Variants in HIPK3 observed in about 807,000 individuals in gnomAD.
HIPK3 encodes homeodomain-interacting protein kinase 3.
In HIPK3, 47 loss-of-function variants were observed where a neutral mutation model predicts 124.2. That is an observed-to-expected ratio of 0.38 (90% CI 0.30 to 0.48). The LOEUF (loss-of-function observed/expected upper bound fraction) is 0.48. HIPK3 is among the 20% of genes least tolerant of loss of function. The pLI, the probability that HIPK3 is intolerant of heterozygous loss-of-function variation, is 0.98. For synonymous variants in HIPK3, 482 were observed against 515.2 expected (o/e 0.94, Z 0.87); for missense variants, 1,286 against 1,454.3 (o/e 0.88, Z 1.88).
chr11:33,320,174 GC>G (rs985022157), intron 2 of HIPK3, among the ~76,000 whole-genome samples: 2 of 152,246 alleles, frequency 1.3e-5, no homozygotes, highest in African/African-American at 4.8e-5. Context: ...GCTAAGGGCT[GC>G]CCCTTGTAGG....
rs533099783 is a variant in HIPK3 at position 33,286,448 on chromosome 11, G to A, written c.34G>A (p.Val12Ile). 3.3e-6 allele frequency: 5 copies of A among 1,503,136 alleles called. No individual in the cohort carries two copies. The highest frequency in any genetic ancestry group is 1.9e-5 in the Admixed American group (1 of 51,520). 93.1% of individuals were successfully genotyped at this position (1,503,136 alleles called of 1,614,324 possible). Residue 12 changes from valine to isoleucine, a missense_variant, in exon 2 of 17, where the codon GTT becomes ATT. By Grantham distance (29) the Val-to-Ile change is conservative. Around this residue, in one of 3 missense-constraint regions of HIPK3, gnomAD observed 225 missense variants for 240.3 expected, o/e 0.94. Transcript: ENST00000303296. ...ACAAGTCTTGGTCTACCCACCATAT[G>A]TTTATCAAACTCAGTCAAGTGCCTT... is the stretch of plus-strand genomic sequence containing the variant. ...ASQVLVYPPY[V>I]YQTQSSAFCS...
chr11:33,342,716 T>A (rs139628618), intron 8 of HIPK3, among the ~76,000 whole-genome samples: 6 of 152,090 alleles, frequency 3.9e-5, no homozygotes, highest in African/African-American at 1.4e-4. Context: ...CCACCACGCC[T>A]GGCTAATTTT....
At chr11:33,276,269 T>G (rs537389891) in intron 1 of HIPK3, among the ~76,000 whole-genome samples, 2 of 152,338 alleles carry the variant, frequency 1.3e-5, no homozygotes, top group South Asian at 4.1e-4. Context: ...AGTTGTTGTA[T>G]CTCTTTAGTT....
chr11:33,290,908 A>G (rs1008692510), intron 2 of HIPK3, among the ~76,000 whole-genome samples: 1 of 152,214 alleles, frequency 6.6e-6, no homozygotes, highest in Non-Finnish European at 1.5e-5. Flanking sequence ...TACAATTGCT[A>G]TGCTAAATTA....
chr11:33,279,110 T>A (rs1380012171), intron 1 of HIPK3, among the ~76,000 whole-genome samples: 3 of 152,058 alleles, frequency 2.0e-5, no homozygotes, highest in Non-Finnish European at 4.4e-5. Context: ...GGCTAGGAAT[T>A]TGAGACCAAC....
At chr11:33,284,692 A>G (rs1025020134) in intron 1 of HIPK3, among the ~76,000 whole-genome samples, 1 of 152,166 alleles carries the variant, frequency 6.6e-6, no homozygotes, top group African/African-American at 2.4e-5. Flanking sequence ...AAGAGAACAT[A>G]ATGCAAAGTT....
chr11:33,330,070 T>C (rs1399082574), intron 3 of HIPK3, among the ~76,000 whole-genome samples: 2 of 152,166 alleles, frequency 1.3e-5, no homozygotes, highest in African/African-American at 4.8e-5. Context: ...AGGAGAAAAC[T>C]GAGGCCCAGA....
intron 2 of HIPK3, among the ~76,000 whole-genome samples, chr11:33,289,762 A>G (rs2133906697): frequency 6.6e-6 from 1 of 152,270 alleles, no homozygotes; most frequent in East Asian, 1.9e-4. Flanking sequence ...CATATTATTC[A>G]TTCTAACTAT....
chr11:33,258,330 T>C, intron 1 of HIPK3: 2 of 985,422 alleles, frequency 2.0e-6, no homozygotes, highest in Non-Finnish European at 2.4e-6. Flanking sequence ...ATCCCTTTCC[T>C]TTCATTAAGG....
intron 3 of HIPK3, among the ~76,000 whole-genome samples, chr11:33,333,576 A>G (rs1470439547): frequency 6.6e-6 from 1 of 152,160 alleles, no homozygotes; most frequent in African/African-American, 2.4e-5. Flanking sequence ...GAAGGCAAAT[A>G]TATTTATATA....
chr11:33,289,132 G>A (rs1212972271), intron 2 of HIPK3, among the ~76,000 whole-genome samples: 1 of 152,128 alleles, frequency 6.6e-6, no homozygotes, highest in East Asian at 1.9e-4. Context: ...ATGTCACTTA[G>A]TGTTAGTAAA....
chr11:33,275,788 CTG>C (rs1035997515), intron 1 of HIPK3, among the ~76,000 whole-genome samples: 6 of 152,154 alleles, frequency 3.9e-5, no homozygotes, highest in Non-Finnish European at 7.3e-5. Context: ...GCTTTAAAAA[CTG>C]TTATGAATTA....
At chr11:33,280,887 C>T (rs989937085) in intron 1 of HIPK3, among the ~76,000 whole-genome samples, 1 of 152,022 alleles carries the variant, frequency 6.6e-6, no homozygotes, top group Non-Finnish European at 1.5e-5. Flanking sequence ...TTTGGTAGGA[C>T]TTGAATTTGC....
chr11:33,341,050 C>T lies in HIPK3; in HGVS notation c.1696C>T (p.Leu566Phe), dbSNP rs762484561. 27 of 1,611,364 alleles carry T rather than the reference C, an allele frequency of 1.7e-5. No individual in the cohort carries two copies. The East Asian group carries it at 5.4e-4, about 32-fold the overall frequency. Residue 566 changes from leucine to phenylalanine, a missense_variant, in exon 7 of 17, where the codon CTT becomes TTT. By Grantham distance (22) the Leu-to-Phe change is conservative (BLOSUM62 0). Around this residue, in one of 3 missense-constraint regions of HIPK3, gnomAD observed 810 missense variants for 864.9 expected, o/e 0.94. Coordinates refer to ENST00000303296, the MANE Select transcript of HIPK3 (RefSeq NM_005734.5). ...CDTNNHNKTSLLRPVASSSTA... is the reference protein window; with the variant it reads ...CDTNNHNKTSFLRPVASSSTA... ...CACAAATAATCACAACAAAACTTCACTTTTAAGACCAGTTGCTTCAAGCAG... is the reference window on the plus strand; with the variant it reads ...CACAAATAATCACAACAAAACTTCATTTTTAAGACCAGTTGCTTCAAGCAG...
chr11:33,295,673 C>G (rs141995873), intron 2 of HIPK3, among the ~76,000 whole-genome samples: 6 of 152,152 alleles, frequency 3.9e-5, no homozygotes, highest in African/African-American at 1.2e-4. Context: ...GTAGACTGTT[C>G]CTCAGTTTGC....
chr11:33,269,651 A>G (rs1420934361), intron 1 of HIPK3, among the ~76,000 whole-genome samples: 1 of 152,028 alleles, frequency 6.6e-6, no homozygotes, highest in Non-Finnish European at 1.5e-5. Flanking sequence ...AACTTCTTAA[A>G]TGTGTTCTCT....
rs1274512390 is a variant in HIPK3, at chr11:33,355,817, T to TA, written c.*2249_*2250insA. The TA allele has an allele frequency of 6.6e-6, 1 of 151,798 alleles. No homozygotes were observed. The highest frequency in any genetic ancestry group is 1.9e-4 in the East Asian group (1 of 5,202). 9.4% of individuals were successfully genotyped at this position (151,798 alleles called of 1,614,324 possible). On this transcript the variant is annotated 3_prime_UTR_variant, in exon 17 of 17. Transcript: ENST00000303296. ...TGTTTTTAGTAATTAATTCTATGCATTTTATACAAATAGAAATATATATAT... is the reference window on the plus strand; with the variant it reads ...TGTTTTTAGTAATTAATTCTATGCATATTTATACAAATAGAAATATATATAT...
chr11:33,348,577 A>G lies in HIPK3; in HGVS notation c.2425A>G (p.Ile809Val). The change falls in exon 13 of 17, where the codon ATA becomes GTA. Residue 809 changes from isoleucine (I) to valine (V), a missense_variant. Ile to Val is a conservative substitution (Grantham distance 29). Coordinates refer to ENST00000303296, the MANE Select transcript of HIPK3 (RefSeq NM_005734.5). ...ACATTCAGCATTTATTTCTCCAAAGATAATTAATGGGAAAGATGTCGAGGA... is the reference window on the plus strand; with the variant it reads ...ACATTCAGCATTTATTTCTCCAAAGGTAATTAATGGGAAAGATGTCGAGGA... ...IPHSAFISPKIINGKDVEEVS... is the reference protein window; with the variant it reads ...IPHSAFISPKVINGKDVEEVS... 6.2e-7 allele frequency: 1 copy of G among 1,613,456 alleles called. No homozygotes were observed. The highest frequency in any genetic ancestry group is 8.5e-7 in the Non-Finnish European group (1 of 1,179,360).
At chr11:33,333,517 G>C (rs550280329) in intron 3 of HIPK3, among the ~76,000 whole-genome samples, 53 of 152,306 alleles carry the variant, frequency 3.5e-4, no homozygotes, top group Non-Finnish European at 6.9e-4. Flanking sequence ...CATGAGGCCA[G>C]TTTAGAATTA....
Sources: gnomAD v4.1 joint callset for allele counts (sites outside exome capture counted in the v4.1 genomes callset) on GRCh38, gnomAD v4.1.1 for gene constraint, gnomAD v4.1.1 regional missense constraint, MANE v1.5 for transcripts, NCBI Gene and HGNC (gene_info 2026-07-23, HGNC 2026-07-21) for gene names.